NOVA1: variants seen among roughly 807,000 people sequenced by gnomAD.
The protein encoded by NOVA1 is NOVA alternative splicing regulator 1.
In NOVA1, 7 loss-of-function variants were observed where a neutral mutation model predicts 38.0. The observed-to-expected ratio is 0.18, with a 90% CI of 0.10 to 0.35. The LOEUF (loss-of-function observed/expected upper bound fraction) is 0.35, where lower values mean the gene tolerates loss of function less well. NOVA1 is among the 10% of genes least tolerant of loss of function. The pLI is 1.00. For missense variants in NOVA1, 460 were observed against 616.0 expected (o/e 0.75, Z 2.68); for synonymous variants, 270 against 232.5 (o/e 1.16, Z -1.47).
chr14:26,560,993 G>A lies in NOVA1; in HGVS notation c.280+34417C>T, dbSNP rs141358307. On this transcript the variant is annotated intron_variant, in intron 2 of 4. Coordinates refer to ENST00000539517, the MANE Select transcript of NOVA1 (RefSeq NM_002515.3). ...AAGACAACATGGTACAGGGTGGGGG[G>A]ATGGTTTTGGGATGAAACTGTTCTA... Among the ~76,000 whole-genome samples, 269 of 152,250 alleles carry A rather than the reference G, an allele frequency of 1.8e-3. 1 individual carries two copies. Among genetic ancestry groups the A allele is most frequent in the African/African-American group, 6.2e-3 (257 of 41,540 alleles).
chr14:26,530,197 C>T (rs368678210), intron 2 of NOVA1, among the ~76,000 whole-genome samples: 14 of 152,334 alleles, frequency 9.2e-5, no homozygotes, highest in African/African-American at 3.1e-4. Flanking sequence ...CGATTACAGG[C>T]GTGAGCCACG....
At chr14:26,579,678 G>A (rs775659872) in intron 2 of NOVA1, among the ~76,000 whole-genome samples, 5 of 151,852 alleles carry the variant, frequency 3.3e-5, no homozygotes, top group Admixed American at 6.6e-5. Context: ...CAATTTTAGC[G>A]TAATGGCAAT....
chr14:26,455,740 C>G (rs1883118914), intron 4 of NOVA1, among the ~76,000 whole-genome samples: 1 of 151,544 alleles, frequency 6.6e-6, no homozygotes, highest in Non-Finnish European at 1.5e-5. Context: ...GAAGGAGGAA[C>G]AGAAGAGAAG....
chr14:26,553,676 G>GGGGAC (rs1380959246), intron 2 of NOVA1, among the ~76,000 whole-genome samples: 1 of 152,100 alleles, frequency 6.6e-6, no homozygotes, highest in East Asian at 1.9e-4. Flanking sequence ...TCCAGTTGAT[G>GGGGAC]GGGACTCAAG....
chr14:26,477,476 G>A (rs1197010731), intron 3 of NOVA1, among the ~76,000 whole-genome samples: 1 of 151,992 alleles, frequency 6.6e-6, no homozygotes. Flanking sequence ...AAAGACCTGA[G>A]AGACCAGCAG....
At chr14:26,515,204 C>T (rs942244421) in intron 2 of NOVA1, among the ~76,000 whole-genome samples, 1 of 151,778 alleles carries the variant, frequency 6.6e-6, no homozygotes, top group Non-Finnish European at 1.5e-5. Context: ...TGAAAATTCG[C>T]AGGTTCACAG....
chr14:26,553,510 A>G (rs927404855), intron 2 of NOVA1, among the ~76,000 whole-genome samples: 2 of 152,056 alleles, frequency 1.3e-5, no homozygotes, highest in African/African-American at 4.8e-5. Flanking sequence ...CTTGTGTGTT[A>G]GAGTTGCTTA....
chr14:26,581,337 C>A (rs1893210920), intron 2 of NOVA1, among the ~76,000 whole-genome samples: 1 of 151,882 alleles, frequency 6.6e-6, no homozygotes, highest in African/African-American at 2.4e-5. Flanking sequence ...GTGATCTGAC[C>A]AGAGTTTTCT....
At chr14:26,497,561 T>G (rs937741164) in intron 2 of NOVA1, among the ~76,000 whole-genome samples, 5 of 152,160 alleles carry the variant, frequency 3.3e-5, no homozygotes, top group Non-Finnish European at 7.3e-5. Context: ...TTAATGAATA[T>G]ACCTACCATA....
intron 2 of NOVA1, among the ~76,000 whole-genome samples, chr14:26,566,413 A>T (rs1488747141): frequency 6.6e-6 from 1 of 152,150 alleles, no homozygotes. Flanking sequence ...TTGGAAAGTG[A>T]TTTAATTTTT....
At chr14:26,525,426 AAAAC>A (rs1889227285) in intron 2 of NOVA1, among the ~76,000 whole-genome samples, 3 of 152,266 alleles carry the variant, frequency 2.0e-5, no homozygotes, top group Admixed American at 1.3e-4. Context: ...ACAATGAGGA[AAAAC>A]AAACAAGATT....
At chr14:26,510,618 G>A (rs1430967630) in intron 2 of NOVA1, among the ~76,000 whole-genome samples, 1 of 151,928 alleles carries the variant, frequency 6.6e-6, no homozygotes, top group East Asian at 1.9e-4. Context: ...TTATGGAGAA[G>A]GTGAAAAAAT....
intron 2 of NOVA1, among the ~76,000 whole-genome samples, chr14:26,581,243 T>C (rs1594576372): frequency 1.3e-5 from 2 of 152,112 alleles, no homozygotes; most frequent in East Asian, 3.9e-4. Context: ...ACTGATGTGA[T>C]AATTGCTTAA....
intron 2 of NOVA1, among the ~76,000 whole-genome samples, chr14:26,576,884 T>C (rs1405174392): frequency 1.3e-5 from 2 of 151,936 alleles, no homozygotes; most frequent in Non-Finnish European, 2.9e-5. Flanking sequence ...GCATGTAAAA[T>C]CTACTCTCTT....
At chr14:26,472,152 T>C in intron 4 of NOVA1, 168 bp downstream of exon 4, 1 of 524,352 alleles carries the variant, frequency 1.9e-6, no homozygotes, top group Non-Finnish European at 3.5e-6. Context: ...AAAATGCATA[T>C]AAAATTTTAG....
chr14:26,587,598 A>G (rs1594587727), intron 2 of NOVA1, among the ~76,000 whole-genome samples: 1 of 151,234 alleles, frequency 6.6e-6, no homozygotes, highest in Non-Finnish European at 1.5e-5. Context: ...ATAGAAAAAT[A>G]AAAACATGGG....
chr14:26,516,318 T>G (rs1888457161), intron 2 of NOVA1, among the ~76,000 whole-genome samples: 1 of 152,228 alleles, frequency 6.6e-6, no homozygotes, highest in South Asian at 2.1e-4. Context: ...GACTTGTCTA[T>G]TCACTGTTAA....
intron 2 of NOVA1, among the ~76,000 whole-genome samples, chr14:26,507,179 T>C (rs1203628687): frequency 6.6e-6 from 1 of 152,052 alleles, no homozygotes; most frequent in Non-Finnish European, 1.5e-5. Context: ...TTCTCGAACA[T>C]TAAGAAATCC....
At chr14:26,454,287 GACC>G (rs1200264288) in intron 4 of NOVA1, among the ~76,000 whole-genome samples, 1 of 152,206 alleles carries the variant, frequency 6.6e-6, no homozygotes, top group East Asian at 1.9e-4. Flanking sequence ...ACCCAGGTCT[GACC>G]TATTGCTATA....
Sources: allele counts gnomAD v4.1 joint callset (sites outside exome capture counted in the v4.1 genomes callset), GRCh38; gene constraint gnomAD v4.1.1; transcripts MANE v1.5; gene names NCBI Gene and HGNC (gene_info 2026-07-23, HGNC 2026-07-21).